KMT2C: variants seen among roughly 807,000 people sequenced by gnomAD.
KMT2C encodes the protein lysine methyltransferase 2C.
Under a neutral mutation model 507.9 loss-of-function variants are expected in KMT2C, and 88 were observed. The observed-to-expected ratio is 0.17, with a 90% confidence interval of 0.15 to 0.21. KMT2C has a LOEUF of 0.21. Among genes scored for constraint, KMT2C ranks in the 10% least tolerant of loss-of-function variants. The pLI, the probability that KMT2C is intolerant of heterozygous loss-of-function variation, is 1.00. For synonymous variants in KMT2C, 2,049 were observed against 2,080.8 expected (o/e 0.98, Z 0.42); for missense variants, 4,954 against 5,957.8 (o/e 0.83, Z 5.55).
At chr7:152,430,184 G>GAAAAAAAAAAAAAAAAAAAAAAAAAAAAA (rs59960992) in intron 1 of KMT2C, among the ~76,000 whole-genome samples, 1 of 87,134 alleles carries the variant, frequency 1.1e-5, no homozygotes, top group Non-Finnish European at 2.5e-5. Context: ...TCAAAAAAAA[G>GAAAAAAAAAAAAAAAAAAAAAAAAAAAAA]AAAAAAAAAA....
chr7:152,336,541 T>C (rs2096937544), intron 2 of KMT2C, among the ~76,000 whole-genome samples: 1 of 152,156 alleles, frequency 6.6e-6, no homozygotes, highest in African/African-American at 2.4e-5. Context: ...AGTACTTAAT[T>C]ATCTCCAGTT....
intron 1 of KMT2C, among the ~76,000 whole-genome samples, chr7:152,393,679 T>C (rs2097518426): frequency 6.6e-6 from 1 of 152,128 alleles, no homozygotes; most frequent in Non-Finnish European, 1.5e-5. Flanking sequence ...TTTGGGAGGC[T>C]GAAGCAGGCA....
intron 2 of KMT2C, among the ~76,000 whole-genome samples, chr7:152,355,145 G>A (rs1410922736): frequency 3.3e-5 from 5 of 152,152 alleles, no homozygotes; most frequent in Non-Finnish European, 7.4e-5. Flanking sequence ...AATGTGAAAT[G>A]TGAATGTCTA....
intron 2 of KMT2C, among the ~76,000 whole-genome samples, chr7:152,354,472 G>A (rs12673930): frequency 0.05 from 7,646 of 152,234 alleles, 333 homozygotes; most frequent in African/African-American, 0.11. Flanking sequence ...ACATTCTAGT[G>A]TGGAAAGCAT....
chr7:152,427,815 C>T (rs1456494043), intron 1 of KMT2C, among the ~76,000 whole-genome samples: 1 of 152,114 alleles, frequency 6.6e-6, no homozygotes. Context: ...CCTACTTCCC[C>T]GAATGCTTAG....
intron 43 of KMT2C, 37 bp from the exon 44 acceptor site, chr7:152,159,109 A>C (rs779535919): frequency 6.3e-7 from 1 of 1,588,250 alleles, no homozygotes; most frequent in Non-Finnish European, 8.6e-7. Flanking sequence ...TAAGTGAACA[A>C]TTTGCATATT....
intron 1 of KMT2C, among the ~76,000 whole-genome samples, chr7:152,415,782 A>G (rs2097728810): frequency 6.6e-6 from 1 of 152,232 alleles, no homozygotes. Context: ...TGGGAGGCTG[A>G]GGCAGGAGAA....
intron 2 of KMT2C, among the ~76,000 whole-genome samples, chr7:152,356,874 AGAGT>A (rs1364708474): frequency 8.2e-5 from 12 of 146,454 alleles, no homozygotes; most frequent in Admixed American, 6.2e-4. Flanking sequence ...CTGGGAGACA[AGAGT>A]GAGACTCCAA....
At chr7:152,389,352 CAAA>C (rs386411673) in intron 1 of KMT2C, among the ~76,000 whole-genome samples, 130 of 77,676 alleles carry the variant, frequency 1.7e-3, no homozygotes, top group Admixed American at 3.3e-3. Flanking sequence ...GACTCCGTCT[CAAA>C]AAAAAAAAAA....
chr7:152,210,909 A>C (rs974206272), intron 23 of KMT2C, among the ~76,000 whole-genome samples: 1 of 152,206 alleles, frequency 6.6e-6, no homozygotes, highest in Non-Finnish European at 1.5e-5. Flanking sequence ...AAGCAGAGAA[A>C]AACTGAGTAT....
chr7:152,225,326 AT>A (rs1401989848), intron 18 of KMT2C, among the ~76,000 whole-genome samples: 2 of 152,238 alleles, frequency 1.3e-5, no homozygotes, highest in African/African-American at 4.8e-5. Context: ...AGGGTACAGA[AT>A]AAAAATTCAG....
intron 2 of KMT2C, among the ~76,000 whole-genome samples, chr7:152,341,011 T>G (rs1268186132): frequency 3.9e-5 from 6 of 152,242 alleles, no homozygotes; most frequent in African/African-American, 1.4e-4. Flanking sequence ...AATGGAATTT[T>G]TTGCAATTAA....
intron 2 of KMT2C, among the ~76,000 whole-genome samples, chr7:152,331,638 A>C (rs62495470): frequency 4.1e-4 from 57 of 138,476 alleles, no homozygotes; most frequent in East Asian, 6.2e-4. Flanking sequence ...ACAACAACAA[A>C]AAGATTTTTT....
intron 23 of KMT2C, among the ~76,000 whole-genome samples, chr7:152,219,129 C>G (rs560361783): frequency 6.6e-6 from 1 of 152,106 alleles, no homozygotes; most frequent in East Asian, 1.9e-4. Context: ...GCCACTGAGC[C>G]CGGCTAATTT....
chr7:152,344,875 T>C (rs1040979827), intron 2 of KMT2C, among the ~76,000 whole-genome samples: 13 of 152,126 alleles, frequency 8.5e-5, no homozygotes, highest in Admixed American at 1.3e-4. Context: ...TAGTCCCAGC[T>C]ACTCGGGAGG....
Position 152,167,344 on chromosome 7 carries a change from G to A in KMT2C, c.9552C>T (p.Leu3184=). The A allele has an allele frequency of 1.2e-6, 2 of 1,613,724 alleles. No homozygotes were observed. The highest frequency in any genetic ancestry group is 1.7e-6 in the Non-Finnish European group (2 of 1,179,866). The change falls in exon 42 of 59, where the codon CTC becomes CTT. Residue 3184 remains leucine (L), a synonymous_variant. Coordinates refer to ENST00000262189, the MANE Select transcript of KMT2C (RefSeq NM_170606.3). ...TTTGAAGCAGCTGTTGGGTCTCCTG[G>A]AGCCACTCTTCATACTGCTTACGCT... is the stretch of plus-strand genomic sequence containing the variant. The part of the protein sequence containing the change: ...DSQRKQYEEW[L]QETQQLLQMQ...
chr7:152,280,973 T>A (rs1036554260), intron 6 of KMT2C, among the ~76,000 whole-genome samples: 1 of 152,150 alleles, frequency 6.6e-6, no homozygotes, highest in Non-Finnish European at 1.5e-5. Flanking sequence ...CCTAAAAAAA[T>A]AGGAGAGGCA....
intron 6 of KMT2C, among the ~76,000 whole-genome samples, chr7:152,293,447 A>C (rs1466156791): frequency 6.6e-6 from 1 of 152,202 alleles, no homozygotes; most frequent in East Asian, 1.9e-4. Context: ...AAAGTTCCTA[A>C]AGGGTATGCA....
intron 37 of KMT2C, among the ~76,000 whole-genome samples, chr7:152,178,525 C>T (rs1056338173): frequency 2.0e-5 from 3 of 152,078 alleles, no homozygotes; most frequent in Non-Finnish European, 4.4e-5. Context: ...ACAAGTAGGC[C>T]TCATCTATAA....
Sources: gnomAD v4.1 joint callset for allele counts (sites outside exome capture counted in the v4.1 genomes callset) on GRCh38, gnomAD v4.1.1 for gene constraint, MANE v1.5 for transcripts, NCBI Gene and HGNC (gene_info 2026-07-23, HGNC 2026-07-21) for gene names.